Variants in PCDH15 observed in about 807,000 individuals in gnomAD.
PCDH15 encodes protocadherin related 15.
PCDH15 carries 129 observed loss-of-function variants against 178.5 expected under a neutral mutation model. The ratio of observed to expected loss-of-function variants is 0.72; its 90% CI spans 0.63 to 0.84. The LOEUF is 0.84. Among genes scored for constraint, PCDH15 ranks in the 40% least tolerant of loss-of-function variants. The pLI is 0.00. For missense variants in PCDH15, 2,230 were observed against 2,099.9 expected (o/e 1.06, Z -1.21); for synonymous variants, 800 against 732.0 (o/e 1.09, Z -1.50).
chr10:54,097,587 T>C (rs2094723698), intron 15 of PCDH15, among the ~76,000 whole-genome samples: 1 of 152,246 alleles, frequency 6.6e-6, no homozygotes, highest in Non-Finnish European at 1.5e-5. Context: ...GTTAATTTTC[T>C]TCTCTATTAG....
chr10:55,305,847 T>C (rs1843408505), intron 1 of PCDH15, among the ~76,000 whole-genome samples: 1 of 152,150 alleles, frequency 6.6e-6, no homozygotes, highest in Admixed American at 6.5e-5. Flanking sequence ...TTAAAGGAAA[T>C]AAAATTTATC....
At chr10:53,899,177 T>C (rs1465544078) in intron 26 of PCDH15, among the ~76,000 whole-genome samples, 1 of 151,862 alleles carries the variant, frequency 6.6e-6, no homozygotes, top group African/African-American at 2.4e-5. Flanking sequence ...GAATGTGGCT[T>C]CTGTAAGGGT....
chr10:54,543,220 C>T (rs140858738), intron 2 of PCDH15, among the ~76,000 whole-genome samples: 2,797 of 152,294 alleles, frequency 0.018, 84 homozygotes, highest in African/African-American at 0.061. Flanking sequence ...TCCAAGCCCA[C>T]GTGTGATCCG....
intron 2 of PCDH15, among the ~76,000 whole-genome samples, chr10:55,508,681 T>C (rs1193381858): frequency 1.3e-5 from 2 of 151,746 alleles, no homozygotes; most frequent in Admixed American, 1.3e-4. Flanking sequence ...TTGGGGAAAA[T>C]TGTATTGAAC....
At chr10:54,375,833 GGA>G (rs1948323679) in intron 4 of PCDH15, among the ~76,000 whole-genome samples, 1 of 132,410 alleles carries the variant, frequency 7.6e-6, no homozygotes, top group Non-Finnish European at 1.6e-5. Context: ...TTTTTGAAAT[GGA>G]ATATATATAT....
chr10:55,217,762 T>C (rs1266980667), intron 1 of PCDH15, among the ~76,000 whole-genome samples: 1 of 151,926 alleles, frequency 6.6e-6, no homozygotes, highest in African/African-American at 2.4e-5. Context: ...CATAAAACAC[T>C]GCTATTTTTC....
chr10:54,385,788 T>C (rs1203996143), intron 3 of PCDH15, among the ~76,000 whole-genome samples: 2 of 152,166 alleles, frequency 1.3e-5, no homozygotes, highest in African/African-American at 4.8e-5. Context: ...TAAGATTCTT[T>C]CAGGTATTTT....
intron 21 of PCDH15, among the ~76,000 whole-genome samples, chr10:53,982,433 A>G (rs1182969462): frequency 6.6e-6 from 1 of 151,762 alleles, no homozygotes; most frequent in African/African-American, 2.4e-5. Context: ...ATGTCCAACA[A>G]TGATAGACTG....
chr10:53,846,778 TTTACTCATGGTTG>T (rs2078004325), intron 28 of PCDH15, among the ~76,000 whole-genome samples: 1 of 152,036 alleles, frequency 6.6e-6, no homozygotes, highest in Non-Finnish European at 1.5e-5. Flanking sequence ...GGGACAGGTA[TTTACTCATGGTTG>T]ATTTAGCTTT....
chr10:54,714,290 AAGTT>A (rs1178956594), intron 1 of PCDH15, among the ~76,000 whole-genome samples: 2 of 152,072 alleles, frequency 1.3e-5, no homozygotes, highest in African/African-American at 4.8e-5. Flanking sequence ...TCGCAACTAA[AAGTT>A]AGCCTTTTTC....
chr10:55,528,594 T>A (rs1020258621), intron 2 of PCDH15, among the ~76,000 whole-genome samples: 11 of 152,134 alleles, frequency 7.2e-5, no homozygotes, highest in African/African-American at 2.7e-4. Flanking sequence ...CCATGGTGTA[T>A]ATGTGCCACA....
chr10:53,927,950 A>G (rs1279483598), intron 25 of PCDH15, among the ~76,000 whole-genome samples: 1 of 152,120 alleles, frequency 6.6e-6, no homozygotes, highest in African/African-American at 2.4e-5. Context: ...ACCCTTGTAG[A>G]ATAATTGAGT....
At chr10:54,324,518 A>G (rs1460216270) in intron 7 of PCDH15, among the ~76,000 whole-genome samples, 4 of 152,042 alleles carry the variant, frequency 2.6e-5, no homozygotes, top group Admixed American at 6.6e-5. Context: ...ATCCCAGAAC[A>G]TTGGAAGGCC....
chr10:55,351,200 C>T (rs1228722927), intron 2 of PCDH15, among the ~76,000 whole-genome samples: 5 of 151,456 alleles, frequency 3.3e-5, no homozygotes, highest in African/African-American at 9.7e-5. Context: ...TTCTTCCAAA[C>T]TACTTTCAAA....
intron 1 of PCDH15, among the ~76,000 whole-genome samples, chr10:54,721,725 C>G: frequency 6.6e-6 from 1 of 151,696 alleles, no homozygotes; most frequent in Non-Finnish European, 1.5e-5. Flanking sequence ...GAATCATCAA[C>G]AAACATCTAC....
Position 53,866,898 on chromosome 10 carries a change from GA to G in PCDH15, c.3502-42del, listed in dbSNP as rs777694311. On this transcript the variant is annotated intron_variant, in intron 26 of 37. Transcript: ENST00000644397. ...AAAAAAAGAGATTATAATTAAGCAG[GA>G]AAAGATAACCCTTATGAAATGGCTT... is the stretch of plus-strand genomic sequence containing the variant. The G allele has an allele frequency of 5.7e-6, 8 of 1,395,420 alleles. No homozygotes were observed. The African/African-American group carries it at 7.1e-5, about 12-fold the overall frequency. The allele number at this position is 1,395,420 out of a possible 1,614,324, so 86.4% of individuals were successfully genotyped here.
chr10:54,743,013 G>A (rs1311186780), intron 1 of PCDH15, among the ~76,000 whole-genome samples: 1 of 151,936 alleles, frequency 6.6e-6, no homozygotes, highest in East Asian at 1.9e-4. Flanking sequence ...AGAAGGGATA[G>A]GTGTCCACAA....
chr10:55,187,154 G>A (rs1484389844), intron 1 of PCDH15, among the ~76,000 whole-genome samples: 1 of 151,762 alleles, frequency 6.6e-6, no homozygotes, highest in Non-Finnish European at 1.5e-5. Context: ...AGTGTGAACA[G>A]ACAAAGAGGA....
intron 1 of PCDH15, among the ~76,000 whole-genome samples, chr10:55,262,556 G>A (rs2132236667): frequency 6.6e-6 from 1 of 152,238 alleles, no homozygotes; most frequent in East Asian, 1.9e-4. Context: ...ACACTAACAG[G>A]CACCAGCAGA....
Sources: allele counts gnomAD v4.1 joint callset (sites outside exome capture counted in the v4.1 genomes callset), GRCh38; gene constraint gnomAD v4.1.1; transcripts MANE v1.5; gene names NCBI Gene and HGNC (gene_info 2026-07-23, HGNC 2026-07-21).